Variants in SCARA3 observed in about 807,000 individuals in gnomAD.
SCARA3 encodes cellular stress response gene protein.
A neutral mutation model predicts 47.0 loss-of-function variants in SCARA3; 39 were observed. That is an observed-to-expected ratio of 0.83 (90% CI 0.64 to 1.08). The LOEUF is 1.08. Among genes scored for constraint, SCARA3 ranks in the 50% least tolerant of loss-of-function variants. SCARA3 has a pLI of 0.00. For synonymous variants in SCARA3, 356 were observed against 334.1 expected, an observed-to-expected ratio of 1.07 and a Z score of -0.71; for missense variants, 724 against 792.3, an observed-to-expected ratio of 0.91 and a Z score of 1.04.
At chr8:27,722,246 T>C in the SCARA3 span, among the ~76,000 whole-genome samples, 9 of 152,224 alleles carry the variant, frequency 5.9e-5, no homozygotes, top group African/African-American at 2.2e-4. Context: ...ATTTTTTGCA[T>C]GCTCCTGAAA....
rs1164495076 is a variant in SCARA3, at chr8:27,658,630, T to G, written c.460T>G (p.Leu154Val). The G allele has an allele frequency of 6.2e-7, 1 of 1,614,022 alleles. No individual in the cohort carries two copies. The highest frequency in any genetic ancestry group is 8.5e-7 in the Non-Finnish European group (1 of 1,179,982). The change falls in exon 5 of 6, where the codon TTA (leucine) becomes GTA (valine). Residue 154 changes from leucine to valine, a missense_variant. Leu to Val is a conservative substitution (Grantham distance 32). Transcript: ENST00000301904. ...LAQEVQLDQT[L>V]QAQEVLSTTS... ...CCAGGAGGTGCAGCTGGACCAGACC[T>G]TACAGGCCCAGGAGGTGCTCTCCAC...
the SCARA3 span, among the ~76,000 whole-genome samples, chr8:27,710,301 A>G: frequency 2.0e-5 from 3 of 151,972 alleles, no homozygotes; most frequent in Admixed American, 6.6e-5. Flanking sequence ...TTTTCGCAAT[A>G]TCTTTATAGT....
the SCARA3 span, among the ~76,000 whole-genome samples, chr8:27,687,539 A>G: frequency 6.6e-6 from 1 of 152,226 alleles, no homozygotes. Context: ...GACAGAAGGC[A>G]GGAAGAGAAT....
chr8:27,646,567 C>T (rs1463699066), intron 1 of SCARA3, among the ~76,000 whole-genome samples: 7 of 152,234 alleles, frequency 4.6e-5, no homozygotes, highest in African/African-American at 1.7e-4. Flanking sequence ...ACGAGGAACC[C>T]GGCCAAGGAG....
At chr8:27,670,570 G>A (rs914455382) in intron 5 of SCARA3, among the ~76,000 whole-genome samples, 1 of 152,188 alleles carries the variant, frequency 6.6e-6, no homozygotes, top group African/African-American at 2.4e-5. Context: ...GAATACAGTG[G>A]TCAAAGACCA....
the SCARA3 span, among the ~76,000 whole-genome samples, chr8:27,711,395 A>C: frequency 6.6e-6 from 1 of 152,300 alleles, no homozygotes; most frequent in Admixed American, 6.5e-5. Flanking sequence ...TATTGTACTC[A>C]AATAGTCCCA....
At chr8:27,689,263 C>A in the SCARA3 span, among the ~76,000 whole-genome samples, 1 of 152,152 alleles carries the variant, frequency 6.6e-6, no homozygotes, top group African/African-American at 2.4e-5. Context: ...CCAGTTCCGA[C>A]GGAAGGGCGG....
At chr8:27,702,495 T>C in the SCARA3 span, 1 of 152,218 alleles carries the variant, frequency 6.6e-6, no homozygotes. Flanking sequence ...CTGGCTCCTT[T>C]TCTCCCTGGG....
chr8:27,678,357 T>A (rs1802309215), downstream of SCARA3, among the ~76,000 whole-genome samples: 1 of 152,156 alleles, frequency 6.6e-6, no homozygotes, highest in African/African-American at 2.4e-5. Flanking sequence ...CCACAAATCC[T>A]ACAGACATTA....
chr8:27,698,805 G>A, the SCARA3 span, among the ~76,000 whole-genome samples: 12 of 151,786 alleles, frequency 7.9e-5, no homozygotes, highest in South Asian at 2.1e-4. Context: ...GTAAAGGATG[G>A]GCATGATCTT....
chr8:27,657,726 G>C (rs1293790157), intron 4 of SCARA3, among the ~76,000 whole-genome samples: 1 of 151,302 alleles, frequency 6.6e-6, no homozygotes, highest in East Asian at 2.0e-4. Context: ...ATTTTTAGTA[G>C]AGATGGGGTT....
intron 1 of SCARA3, among the ~76,000 whole-genome samples, chr8:27,635,818 C>T (rs1424310998): frequency 1.3e-5 from 2 of 152,148 alleles, no homozygotes; most frequent in African/African-American, 4.8e-5. Flanking sequence ...ACACACTTTC[C>T]TTTTACACTG....
Position 27,634,170 on chromosome 8 carries a change from G to C in SCARA3, c.-31G>C. ...ACTACAGCTCCAGCCGCCTGCAGCG[G>C]GGCCCTCCTGAGGCCCCAGAGGAAG... is the stretch of plus-strand genomic sequence containing the variant. On this transcript the variant is annotated 5_prime_UTR_variant, in exon 1 of 6. Coordinates refer to ENST00000301904, the MANE Select transcript of SCARA3 (RefSeq NM_016240.3). 1 of 1,445,152 alleles carries C rather than the reference G, an allele frequency of 6.9e-7. No individual in the cohort carries two copies. Among genetic ancestry groups the C allele is most frequent in the Non-Finnish European group, 9.1e-7 (1 of 1,102,930 alleles). 89.5% of individuals were successfully genotyped at this position (1,445,152 alleles called of 1,614,324 possible).
At chr8:27,649,561 C>G in intron 1 of SCARA3, 141 bp from the exon 2 acceptor site, 1 of 748,932 alleles carries the variant, frequency 1.3e-6, no homozygotes, top group Non-Finnish European at 2.3e-6. Flanking sequence ...TCCCTTTTTG[C>G]AGCTTACATC....
rs1290046065 is a variant in SCARA3 at position 27,649,621 on chromosome 8, G to T, written c.8-81G>T. The stretch of plus-strand genomic sequence containing the variant: ...GGCTCAGGGGTAGAGGTGGGCATGG[G>T]ATATGGGGACAGGTAAATAAAAGGG... On this transcript the variant is annotated intron_variant, in intron 1 of 5. Coordinates refer to ENST00000301904, the MANE Select transcript of SCARA3 (RefSeq NM_016240.3). The T allele has an allele frequency of 4.6e-6, 6 of 1,309,708 alleles. No homozygotes were observed. In the African/African-American group the frequency reaches 7.2e-5, roughly 16 times the overall value. 81.1% of individuals were successfully genotyped at this position (1,309,708 alleles called of 1,614,324 possible).
chr8:27,715,400 C>A, the SCARA3 span, among the ~76,000 whole-genome samples: 6 of 152,138 alleles, frequency 3.9e-5, no homozygotes, highest in African/African-American at 1.4e-4. The surrounding 1 kb of genome is among the most constrained non-coding windows in gnomAD (Gnocchi z 4.2). Flanking sequence ...CCACTACTCA[C>A]CCTACCAGGG....
intron 5 of SCARA3, among the ~76,000 whole-genome samples, chr8:27,660,901 G>T (rs1801900955): frequency 6.6e-6 from 1 of 152,122 alleles, no homozygotes. Context: ...GAGATAGATG[G>T]ATAGATGGAT....
chr8:27,716,396 A>G, the SCARA3 span, among the ~76,000 whole-genome samples: 2 of 152,066 alleles, frequency 1.3e-5, no homozygotes, highest in Admixed American at 6.5e-5. Context: ...GGGGAAGTAC[A>G]AGATGAGCCT....
chr8:27,715,433 G>GC, the SCARA3 span, among the ~76,000 whole-genome samples: 1 of 152,046 alleles, frequency 6.6e-6, no homozygotes, highest in South Asian at 2.1e-4. The surrounding 1 kb of genome is among the most constrained non-coding windows in gnomAD (Gnocchi z 4.2). Context: ...GCACTGGGCT[G>GC]CCACCACCAA....
Sources: allele counts gnomAD v4.1 joint callset (sites outside exome capture counted in the v4.1 genomes callset), GRCh38; gene constraint gnomAD v4.1.1; non-coding constraint Gnocchi (gnomAD v3.1); transcripts MANE v1.5; gene names NCBI Gene and HGNC (gene_info 2026-07-23, HGNC 2026-07-21).